Variants in P2RX3 observed in about 807,000 individuals in gnomAD.
P2RX3 encodes the protein purinergic receptor P2X 3.
In P2RX3, 41 loss-of-function variants were observed where a neutral mutation model predicts 51.5. The ratio of observed to expected loss-of-function variants is 0.80; its 90% CI spans 0.62 to 1.03. P2RX3 has a LOEUF of 1.03. P2RX3 is among the 50% of genes least tolerant of loss of function. The pLI is 0.00. For synonymous variants in P2RX3, 185 were observed against 191.6 expected (o/e 0.97, Z 0.29); for missense variants, 459 against 522.1 (o/e 0.88, Z 1.18).
intron 8 of P2RX3, among the ~76,000 whole-genome samples, chr11:57,353,783 A>G (rs1377408742): frequency 6.6e-6 from 1 of 151,652 alleles, no homozygotes; most frequent in Non-Finnish European, 1.5e-5. Context: ...AGAGGCAGCT[A>G]GAGATTCACA....
intron 10 of P2RX3, among the ~76,000 whole-genome samples, chr11:57,369,112 C>T (rs903842130): frequency 5.9e-5 from 9 of 152,166 alleles, no homozygotes; most frequent in Admixed American, 5.2e-4. Flanking sequence ...GGGCAGAGCC[C>T]GCAGGGTCCA....
At chr11:57,360,249 C>G (rs1280639300) in intron 8 of P2RX3, among the ~76,000 whole-genome samples, 2 of 152,198 alleles carry the variant, frequency 1.3e-5, no homozygotes, top group African/African-American at 4.8e-5. Context: ...CCCACTTTCC[C>G]ACCTAGCTAG....
intron 8 of P2RX3, among the ~76,000 whole-genome samples, chr11:57,361,960 CTTAT>C (rs1256549264): frequency 6.6e-6 from 1 of 152,170 alleles, no homozygotes; most frequent in Non-Finnish European, 1.5e-5. Flanking sequence ...ATTTTAGCTA[CTTAT>C]GGGCTTGTGT....
chr11:57,370,084 G>C lies in P2RX3; in HGVS notation c.*87G>C. The C allele has an allele frequency of 2.2e-6, 2 of 925,802 alleles. No homozygotes were observed. Among genetic ancestry groups the C allele is most frequent in the Non-Finnish European group, 3.4e-6 (2 of 590,448 alleles). The allele number at this position is 925,802 out of a possible 1,614,324, so 57.3% of individuals were successfully genotyped here. A position where few individuals can be genotyped will look rare whatever the true frequency, so the allele number is the denominator to read the frequency against. On this transcript the variant is annotated 3_prime_UTR_variant, in exon 12 of 12. Coordinates refer to ENST00000263314, the MANE Select transcript of P2RX3 (RefSeq NM_002559.5). Reference sequence around the variant, plus strand: ...TGAGCAAGGGGCATGGGAGGGAAGAGGGGCTCTCATTTCTGCTGCTCATTC... The same window carrying C: ...TGAGCAAGGGGCATGGGAGGGAAGACGGGCTCTCATTTCTGCTGCTCATTC...
At chr11:57,360,079 G>A (rs1443374671) in intron 8 of P2RX3, among the ~76,000 whole-genome samples, 2 of 152,202 alleles carry the variant, frequency 1.3e-5, no homozygotes, top group East Asian at 1.9e-4. Context: ...TTCAAAGTGC[G>A]TAAGCCGCCA....
chr11:57,347,996 TGG>T (rs1856472418), intron 4 of P2RX3, among the ~76,000 whole-genome samples, 172 bp from the exon 5 acceptor site: 1 of 152,166 alleles, frequency 6.6e-6, no homozygotes, highest in Non-Finnish European at 1.5e-5. Context: ...CACCTCCCTT[TGG>T]CTGGGTCTGG....
At chr11:57,352,606 C>A (rs931174695) in intron 8 of P2RX3, among the ~76,000 whole-genome samples, 1 of 152,152 alleles carries the variant, frequency 6.6e-6, no homozygotes, top group Non-Finnish European at 1.5e-5. Context: ...ATTATAAAGA[C>A]CCCCAACTAC....
At chr11:57,346,948 G>A (rs1346344535) in intron 2 of P2RX3, among the ~76,000 whole-genome samples, 168 bp from the exon 3 acceptor site, 1 of 152,210 alleles carries the variant, frequency 6.6e-6, no homozygotes, top group Non-Finnish European at 1.5e-5. Flanking sequence ...GGCCATGTGG[G>A]TGGCTGCAAA....
rs114290075 is a variant in P2RX3, at chr11:57,347,546, G to A, written c.391+68G>A. The A allele has an allele frequency of 1.2e-3, 1,859 of 1,499,938 alleles. 17 individuals carry two copies. In the African/African-American group the frequency reaches 0.019, roughly 15 times the overall value. The allele number at this position is 1,499,938 out of a possible 1,614,324, so 92.9% of individuals were successfully genotyped here. On this transcript the variant is annotated intron_variant, in intron 4 of 11. Coordinates refer to ENST00000263314, the MANE Select transcript of P2RX3 (RefSeq NM_002559.5). ...TGGGACCCATGGGGGAGAGCCCGTC[G>A]TTGGAGAGGGAGTGGGAACCAGCCT... is the stretch of plus-strand genomic sequence containing the variant.
At chr11:57,338,877 G>A (rs1009800973) in intron 1 of P2RX3, among the ~76,000 whole-genome samples, 6 of 152,146 alleles carry the variant, frequency 3.9e-5, no homozygotes, top group Admixed American at 3.3e-4. Flanking sequence ...TTCCCAGTTC[G>A]TCCTCCAGGG....
chr11:57,349,465 CAA>C (rs147483912), intron 6 of P2RX3, among the ~76,000 whole-genome samples: 6 of 139,018 alleles, frequency 4.3e-5, no homozygotes, highest in South Asian at 2.3e-4. Flanking sequence ...GACTCCGTCT[CAA>C]AAAAAAAAAA....
chr11:57,358,787 C>A (rs147052927), intron 8 of P2RX3, among the ~76,000 whole-genome samples: 3 of 152,316 alleles, frequency 2.0e-5, no homozygotes, highest in African/African-American at 7.2e-5. Context: ...CCCTGCCCTG[C>A]AGAAGCGCAT....
chr11:57,364,624 C>A lies in P2RX3; in HGVS notation c.843-3385C>A, dbSNP rs535385515. On this transcript the variant is annotated intron_variant, in intron 8 of 11. Transcript: ENST00000263314. ...TCTTTAAAATATCCCGAGAGTCCTC[C>A]TTGGAGAATTATGTTCTTAGGCCCT... 4.6e-5 allele frequency among the ~76,000 whole-genome samples: 7 copies of A among 152,296 alleles called. No individual in the cohort carries two copies. In the South Asian group the frequency reaches 1.5e-3, roughly 32 times the overall value.
rs746547283 is a variant in P2RX3 at position 57,348,203 on chromosome 11, C to T, written c.425C>T (p.Ser142Phe). 4.4e-5 allele frequency: 70 copies of T among 1,600,490 alleles called. No homozygotes were observed. In the Admixed American group the frequency reaches 1.2e-3, roughly 27 times the overall value. Reference sequence around the variant, plus strand: ...ACTGGCCGCTGCGTGAACTACAGCTCTGTGCTCCGGACCTGTGAGATCCAG... The same window carrying T: ...ACTGGCCGCTGCGTGAACTACAGCTTTGTGCTCCGGACCTGTGAGATCCAG... ...ILTGRCVNYS[S>F]VLRTCEIQGW... The change falls in exon 5 of 12, where the codon TCT becomes TTT. Residue 142 changes from serine (S) to phenylalanine (F), a missense_variant. Coordinates refer to ENST00000263314, the MANE Select transcript of P2RX3 (RefSeq NM_002559.5).
At chr11:57,344,981 C>T (rs1230541099) in intron 1 of P2RX3, among the ~76,000 whole-genome samples, 1 of 152,206 alleles carries the variant, frequency 6.6e-6, no homozygotes, top group African/African-American at 2.4e-5. Context: ...CCAGCCTCCA[C>T]CTGAGGAAGG....
At chr11:57,363,762 G>A (rs567872553) in intron 8 of P2RX3, among the ~76,000 whole-genome samples, 2 of 152,298 alleles carry the variant, frequency 1.3e-5, no homozygotes, top group East Asian at 3.9e-4. Flanking sequence ...ACAGGAGAGT[G>A]CAGAAGCTGG....
At chr11:57,368,125 T>C in intron 9 of P2RX3, 23 bp downstream of exon 9, 1 of 1,608,808 alleles carries the variant, frequency 6.2e-7, no homozygotes, top group Non-Finnish European at 8.5e-7. Flanking sequence ...GCCAGGCAGA[T>C]GGGGTGGACA....
intron 8 of P2RX3, among the ~76,000 whole-genome samples, chr11:57,358,235 G>C (rs945330353): frequency 6.6e-6 from 1 of 152,164 alleles, no homozygotes; most frequent in African/African-American, 2.4e-5. Flanking sequence ...CCTACAGGTA[G>C]TGAGTTTCCT....
At chr11:57,354,320 C>T (rs1284160810) in intron 8 of P2RX3, among the ~76,000 whole-genome samples, 1 of 152,112 alleles carries the variant, frequency 6.6e-6, no homozygotes, top group Non-Finnish European at 1.5e-5. Flanking sequence ...GTCTGTTCTG[C>T]GTGGCTAAAG....
Sources: allele counts gnomAD v4.1 joint callset (sites outside exome capture counted in the v4.1 genomes callset), GRCh38; gene constraint gnomAD v4.1.1; transcripts MANE v1.5; gene names NCBI Gene and HGNC (gene_info 2026-07-23, HGNC 2026-07-21).